Variants in YEATS2 observed in about 807,000 individuals in gnomAD.
The protein encoded by YEATS2 is YEATS domain-containing protein 2.
In YEATS2, 77 loss-of-function variants were observed where a neutral mutation model predicts 163.2. The ratio of observed to expected loss-of-function variants is 0.47; its 90% CI spans 0.39 to 0.57. YEATS2 has a LOEUF of 0.57. Ranked by LOEUF, YEATS2 falls within the 20% of genes least tolerant of loss-of-function variation. The pLI is 0.00. For synonymous variants in YEATS2, 631 were observed against 645.1 expected, an observed-to-expected ratio of 0.98 and a Z score of 0.33; for missense variants, 1,549 against 1,729.8, an observed-to-expected ratio of 0.90 and a Z score of 1.85.
intron 13 of YEATS2, among the ~76,000 whole-genome samples, chr3:183,759,283 A>T (rs954568440): frequency 6.6e-6 from 1 of 152,214 alleles, no homozygotes; most frequent in African/African-American, 2.4e-5. Flanking sequence ...TTACTAACTT[A>T]CTTGGATCTA....
intron 7 of YEATS2, among the ~76,000 whole-genome samples, chr3:183,730,985 G>A (rs148310996): frequency 1.2e-4 from 18 of 152,152 alleles, no homozygotes; most frequent in Admixed American, 2.6e-4. Flanking sequence ...GGGTGAAACT[G>A]GAAAGATAAG....
chr3:183,741,138 C>T (rs553868622), intron 8 of YEATS2, among the ~76,000 whole-genome samples: 12 of 151,898 alleles, frequency 7.9e-5, no homozygotes, highest in Middle Eastern at 3.4e-3. Context: ...AGGGTTTCAC[C>T]GTGTTGTCCT....
chr3:183,795,455 ATTTTTTTTTTTTTT>A (rs573338439), intron 21 of YEATS2, among the ~76,000 whole-genome samples: 27 of 79,928 alleles, frequency 3.4e-4, no homozygotes, highest in Admixed American at 6.5e-4. Context: ...CACGGGACTA[ATTTTTTTTTTTTTT>A]TTTTTTTTTT....
At chr3:183,717,860 CTTTTT>C (rs34867307) in intron 3 of YEATS2, 112 bp downstream of exon 3, 5 of 277,428 alleles carry the variant, frequency 1.8e-5, no homozygotes, top group South Asian at 1.7e-4. Context: ...CTCCTCTTTG[CTTTTT>C]TTTTTTTTTT....
At chr3:183,741,353 G>A (rs548454635) in intron 8 of YEATS2, among the ~76,000 whole-genome samples, 93 of 152,134 alleles carry the variant, frequency 6.1e-4, no homozygotes, top group Non-Finnish European at 5.4e-4. Flanking sequence ...GAACAAAAAA[G>A]CCTGGGTGAC....
At chr3:183,743,266 A>G (rs1400231769) in intron 8 of YEATS2, among the ~76,000 whole-genome samples, 1 of 152,222 alleles carries the variant, frequency 6.6e-6, no homozygotes, top group Non-Finnish European at 1.5e-5. Flanking sequence ...TGAAATAATG[A>G]CATTGTGAAC....
At chr3:183,726,498 G>A (rs898239038) in intron 6 of YEATS2, among the ~76,000 whole-genome samples, 12 of 152,232 alleles carry the variant, frequency 7.9e-5, no homozygotes, top group Middle Eastern at 6.8e-3. Flanking sequence ...AGATTAGGAC[G>A]TTATAAATCC....
chr3:183,760,355 C>G (rs1184289697), intron 13 of YEATS2, among the ~76,000 whole-genome samples: 2 of 127,218 alleles, frequency 1.6e-5, no homozygotes, highest in East Asian at 2.6e-4. Flanking sequence ...GAGTTTCGCT[C>G]TCGTTGCCAA....
chr3:183,779,006 G>T (rs1723287691), intron 19 of YEATS2, among the ~76,000 whole-genome samples: 1 of 152,028 alleles, frequency 6.6e-6, no homozygotes, highest in South Asian at 2.1e-4. Flanking sequence ...AGGCTCCTGG[G>T]TTCAAGCAGT....
intron 21 of YEATS2, 141 bp from the exon 22 acceptor site, chr3:183,797,782 C>T: frequency 1.0e-6 from 1 of 997,572 alleles, no homozygotes; most frequent in East Asian, 2.6e-5. Context: ...TCTGTTGTCT[C>T]CTGCTTCTTG....
intron 19 of YEATS2, among the ~76,000 whole-genome samples, chr3:183,784,386 T>A (rs960353926): frequency 2.6e-5 from 4 of 152,230 alleles, no homozygotes; most frequent in Admixed American, 2.6e-4. Context: ...CTTGTATATC[T>A]TCTTTTGGAG....
At chr3:183,725,750 A>G (rs1257462642) in intron 6 of YEATS2, among the ~76,000 whole-genome samples, 1 of 152,224 alleles carries the variant, frequency 6.6e-6, no homozygotes, top group Non-Finnish European at 1.5e-5. Flanking sequence ...GGGTGGGGAC[A>G]CAGCCAAACC....
At chr3:183,798,856 A>G in intron 22 of YEATS2, 35 bp from the exon 23 acceptor site, 1 of 1,511,266 alleles carries the variant, frequency 6.6e-7, no homozygotes. Flanking sequence ...TAATTTTTGT[A>G]TTTGTTATAT....
chr3:183,809,527 T>C (rs1231710210), intron 30 of YEATS2: 1 of 166,798 alleles, frequency 6.0e-6, no homozygotes, highest in Non-Finnish European at 1.3e-5. Flanking sequence ...CTAATTTGTT[T>C]TTCATTGCAG....
intron 26 of YEATS2, 116 bp from the exon 27 acceptor site, chr3:183,803,871 T>TAA: frequency 2.9e-5 from 27 of 920,014 alleles, no homozygotes; most frequent in Non-Finnish European, 4.1e-5. Flanking sequence ...TTTTTTTCTT[T>TAA]AAAAAAAAAA....
chr3:183,714,993 C>G (rs569360849), intron 1 of YEATS2, among the ~76,000 whole-genome samples, 151 bp from the exon 2 acceptor site: 100 of 151,842 alleles, frequency 6.6e-4, no homozygotes, highest in African/African-American at 2.3e-3. Flanking sequence ...TATACACATA[C>G]CCACAGACTT....
intron 12 of YEATS2, 31 bp downstream of exon 12, chr3:183,756,720 A>G (rs763733370): frequency 1.4e-6 from 2 of 1,385,726 alleles, no homozygotes; most frequent in South Asian, 2.1e-5. Flanking sequence ...TGTACCATCT[A>G]AAGGGTTTGA....
At chr3:183,764,390 AAAG>A (rs1234835704) in intron 15 of YEATS2, among the ~76,000 whole-genome samples, 1 of 151,474 alleles carries the variant, frequency 6.6e-6, no homozygotes, top group Non-Finnish European at 1.5e-5. Context: ...AAAAAAAAAA[AAAG>A]ATATCATATA....
Position 183,722,050 on chromosome 3 carries a change from T to G in YEATS2, c.451T>G (p.Ser151Ala). Residue 151 changes from serine to alanine, a missense_variant, in exon 5 of 31, where the codon TCT (serine) becomes GCT (alanine). Physicochemically the swap from Ser to Ala is moderately conservative, Grantham distance 99. Transcript: ENST00000305135. ...TTTATCTCAGCACAATGACTTCTTATCTGACAAAGATAATAACAGCAATAT... is the reference window on the plus strand; with the variant it reads ...TTTATCTCAGCACAATGACTTCTTAGCTGACAAAGATAATAACAGCAATAT... ...DSLSQHNDFLSDKDNNSNMDI... is the reference protein window; with the variant it reads ...DSLSQHNDFLADKDNNSNMDI... The G allele has an allele frequency of 6.2e-7, 1 of 1,614,092 alleles. No individual in the cohort carries two copies.
Sources: allele counts gnomAD v4.1 joint callset (sites outside exome capture counted in the v4.1 genomes callset), GRCh38; gene constraint gnomAD v4.1.1; transcripts MANE v1.5; gene names NCBI Gene and HGNC (gene_info 2026-07-23, HGNC 2026-07-21).